FAIM2: variants seen among roughly 807,000 people sequenced by gnomAD.
FAIM2 encodes the protein protein lifeguard 2.
A neutral mutation model predicts 47.4 loss-of-function variants in FAIM2; 27 were observed. That is an observed-to-expected ratio of 0.57 (90% CI 0.42 to 0.78). The LOEUF (loss-of-function observed/expected upper bound fraction) is 0.78, where lower values mean the gene tolerates loss of function less well. FAIM2 is among the 30% of genes least tolerant of loss of function. The probability of loss-of-function intolerance (pLI) is 0.00; values close to 1 mark genes in which losing one functional copy is unlikely to be tolerated. For missense variants in FAIM2, 311 were observed against 389.4 expected, an observed-to-expected ratio of 0.80 and a Z score of 1.69; for synonymous variants, 156 against 159.3, an observed-to-expected ratio of 0.98 and a Z score of 0.16.
intron 1 of FAIM2, chr12:49,902,117 C>T (rs1946985837): frequency 6.6e-6 from 1 of 152,322 alleles, no homozygotes; most frequent in East Asian, 1.9e-4. Flanking sequence ...GAAACTGAGG[C>T]TCAAAGGGAA....
At chr12:49,885,326 C>T (rs1007592983) in intron 11 of FAIM2, among the ~76,000 whole-genome samples, 1 of 152,184 alleles carries the variant, frequency 6.6e-6, no homozygotes, top group African/African-American at 2.4e-5. Context: ...CTCACTGCCT[C>T]CAACATCACC....
intron 2 of FAIM2, among the ~76,000 whole-genome samples, chr12:49,899,919 A>G (rs1175654289): frequency 2.6e-5 from 4 of 152,210 alleles, no homozygotes; most frequent in African/African-American, 9.7e-5. Flanking sequence ...AACATTCCTT[A>G]AAACAGCAGT....
chr12:49,867,901 T>A lies in FAIM2; in HGVS notation c.*2603A>T, dbSNP rs1946674722. On this transcript the variant is annotated 3_prime_UTR_variant, in exon 12 of 12. Coordinates refer to ENST00000320634, the MANE Select transcript of FAIM2 (RefSeq NM_012306.4). ...ACACTGTGGTACCTGCCACCCCCCC[T>A]CAGGACCCAGAGTAGGAGGCTGCGG... is the stretch of plus-strand genomic sequence containing the variant. 6.6e-6 allele frequency: 1 copy of A among 152,162 alleles called. No individual in the cohort carries two copies. The highest frequency in any genetic ancestry group is 2.4e-5 in the African/African-American group (1 of 41,268). The allele number at this position is 152,162 out of a possible 1,614,324, so 9.4% of individuals were successfully genotyped here.
chr12:49,896,363 T>C (rs1311508496), intron 5 of FAIM2, among the ~76,000 whole-genome samples: 1 of 152,070 alleles, frequency 6.6e-6, no homozygotes, highest in African/African-American at 2.4e-5. Context: ...CCTCAAAGAA[T>C]ATAGGACAAG....
At chr12:49,887,506 G>T in intron 10 of FAIM2, 67 bp from the exon 11 acceptor site, 2 of 1,391,170 alleles carry the variant, frequency 1.4e-6, no homozygotes, top group South Asian at 1.2e-5. Flanking sequence ...GCAGGGAGGA[G>T]GGTTCAGTCC....
rs1294749920 is a variant in FAIM2 at position 49,870,130 on chromosome 12, G to A, written c.*374C>T. Reference sequence around the variant, plus strand: ...AAGGCCACATGATTGTGCAGCCCTAGGAGGAATTGCAGTGGGGCTCAGGGC... The same window carrying A: ...AAGGCCACATGATTGTGCAGCCCTAAGAGGAATTGCAGTGGGGCTCAGGGC... On this transcript the variant is annotated 3_prime_UTR_variant, in exon 12 of 12. Coordinates refer to ENST00000320634, the MANE Select transcript of FAIM2 (RefSeq NM_012306.4). The A allele has an allele frequency of 4.5e-6, 1 of 220,676 alleles. No homozygotes were observed. Among genetic ancestry groups the A allele is most frequent in the African/African-American group, 2.3e-5 (1 of 43,958 alleles). 13.7% of individuals were successfully genotyped at this position (220,676 alleles called of 1,614,324 possible). A position where few individuals can be genotyped will look rare whatever the true frequency, so the allele number is the denominator to read the frequency against.
chr12:49,901,267 T>C lies in FAIM2; in HGVS notation c.74A>G (p.Lys25Arg). Residue 25 changes from lysine to arginine, a missense_variant, in exon 2 of 12, where the codon AAG becomes AGG. Transcript: ENST00000320634. ...TEGQQQVHGE[K>R]KEAPAVPSAP... ...TGAGGGCACTGCTGGAGCCTCCTTC[T>C]TCTCGCCATGCACCTGCTGCTGCCC... 1 of 1,609,616 alleles carries C rather than the reference T, an allele frequency of 6.2e-7. No homozygotes were observed. Among genetic ancestry groups the C allele is most frequent in the Non-Finnish European group, 8.5e-7 (1 of 1,178,220 alleles).
In FAIM2 at chr12:49,903,716, G is replaced by A. The variant is rs914815000; in HGVS notation, c.15+62C>T. 11 of 1,547,308 alleles carry A rather than the reference G, an allele frequency of 7.1e-6. No homozygotes were observed. The Admixed American group carries it at 1.8e-4, about 25-fold the overall frequency. On this transcript the variant is annotated intron_variant, in intron 1 of 11. Transcript: ENST00000320634. ...TTTCGTGGTCCAGAGGGCTTGCTGA[G>A]GATGACAGGGAGCCGGGAGCCGGAG...
Position 49,887,132 on chromosome 12 carries a change from C to T in FAIM2, c.801+254G>A, listed in dbSNP as rs142466478. Among the ~76,000 whole-genome samples the T allele has an allele frequency of 1.2e-3, 187 of 152,280 alleles. 1 individual carries two copies. The highest frequency in any genetic ancestry group is 4.2e-3 in the African/African-American group (176 of 41,548). On this transcript the variant is annotated intron_variant, in intron 11 of 11. Coordinates refer to ENST00000320634, the MANE Select transcript of FAIM2 (RefSeq NM_012306.4). ...TGGAGGAAGGGATGCCTCTTCCCAG[C>T]TTTGCCTCTGTCTACAGCTTCCATC...
rs1459681007 is a variant in FAIM2 at position 49,878,440 on chromosome 12, GTGTC to G, written c.802-7791_802-7788del. On this transcript the variant is annotated intron_variant, in intron 11 of 11. Coordinates refer to ENST00000320634, the MANE Select transcript of FAIM2 (RefSeq NM_012306.4). Reference sequence around the variant, plus strand: ...TATGTGTGTGTATATGTGCAAGTGTGTGTCTGAGTGAATGTGTATGCATGTATGT... The same window carrying G: ...TATGTGTGTGTATATGTGCAAGTGTGTGAGTGAATGTGTATGCATGTATGT... 7.1e-3 allele frequency among the ~76,000 whole-genome samples: 930 copies of G among 131,506 alleles called. 160 individuals are homozygous for G. Among genetic ancestry groups the G allele is most frequent in the African/African-American group, 0.022 (748 of 34,780 alleles). The allele number at this position is 131,506 out of a possible 152,430, so 86.3% of individuals were successfully genotyped here.
intron 1 of FAIM2, chr12:49,901,898 A>G (rs966897983): frequency 1.3e-5 from 2 of 152,870 alleles, no homozygotes; most frequent in Admixed American, 6.5e-5. Flanking sequence ...AGGGCAACAG[A>G]AAGGGAAGAG....
In FAIM2 at chr12:49,874,950, C is replaced by A. The variant is rs1053932592; in HGVS notation, c.802-4297G>T. ...AAAGCAAGTTGTGAAAAATCTATAT[C>A]GTATGATCCCATAAAACTATACACG... On this transcript the variant is annotated intron_variant, in intron 11 of 11. Transcript: ENST00000320634. The surrounding 1 kb of genome is among the most constrained non-coding windows in gnomAD (Gnocchi z 4.2). Among the ~76,000 whole-genome samples the A allele has an allele frequency of 1.3e-5, 2 of 152,098 alleles. No homozygotes were observed. The highest frequency in any genetic ancestry group is 4.8e-5 in the African/African-American group (2 of 41,416).
At position 49,867,732 on chromosome 12, in the gene FAIM2, C is replaced by CA. The variant is rs1444023676; in HGVS notation, c.*2771dup. 3.9e-5 allele frequency: 6 copies of CA among 152,484 alleles called. No homozygotes were observed. The highest frequency in any genetic ancestry group is 3.9e-4 in the Admixed American group (6 of 15,308). 9.4% of individuals were successfully genotyped at this position (152,484 alleles called of 1,614,324 possible). ...TCCCTTCCTCCTTTACAGCTTGTGA[C>CA]ACCTGCTCAGCTGCGGTTTCCTTAA... is the stretch of plus-strand genomic sequence containing the variant. On this transcript the variant is annotated 3_prime_UTR_variant, in exon 12 of 12. Transcript: ENST00000320634.
chr12:49,879,555 T>G (rs933355302), intron 11 of FAIM2, among the ~76,000 whole-genome samples: 2 of 148,734 alleles, frequency 1.3e-5, no homozygotes, highest in African/African-American at 5.2e-5. Context: ...TATGGGTGTA[T>G]GTGCATGCAT....
intron 2 of FAIM2, 90 bp from the exon 3 acceptor site, chr12:49,898,180 G>T: frequency 1.4e-6 from 1 of 714,808 alleles, no homozygotes; most frequent in African/African-American, 3.0e-5. Context: ...CTGCCTTTTT[G>T]TCAACCTGGC....
At chr12:49,898,991 C>T (rs1205932559) in intron 2 of FAIM2, among the ~76,000 whole-genome samples, 2 of 152,090 alleles carry the variant, frequency 1.3e-5, no homozygotes, top group African/African-American at 2.4e-5. Flanking sequence ...GATGACAGTT[C>T]CAGGCCTAGT....
At chr12:49,899,209 T>C (rs1465126119) in intron 2 of FAIM2, among the ~76,000 whole-genome samples, 1 of 152,192 alleles carries the variant, frequency 6.6e-6, no homozygotes, top group African/African-American at 2.4e-5. Flanking sequence ...CTATGCTCTC[T>C]GGTGGGAACT....
chr12:49,873,730 C>G (rs1305768149), intron 11 of FAIM2, among the ~76,000 whole-genome samples: 1 of 152,160 alleles, frequency 6.6e-6, no homozygotes, highest in Non-Finnish European at 1.5e-5. Context: ...TGCCCCAGCC[C>G]TTGGTCCATA....
intron 11 of FAIM2, among the ~76,000 whole-genome samples, chr12:49,877,826 C>A (rs1592784635): frequency 6.7e-6 from 1 of 148,864 alleles, no homozygotes; most frequent in East Asian, 2.0e-4. Context: ...GTATGTGTGT[C>A]TATGTGCGTA....
Sources: allele counts gnomAD v4.1 joint callset (sites outside exome capture counted in the v4.1 genomes callset), GRCh38; gene constraint gnomAD v4.1.1; non-coding constraint Gnocchi (gnomAD v3.1); transcripts MANE v1.5; gene names NCBI Gene and HGNC (gene_info 2026-07-23, HGNC 2026-07-21).